RAB6A: variants seen among roughly 807,000 people sequenced by gnomAD.
The protein encoded by RAB6A is RAB6A, member RAS oncogene family.
In RAB6A, 8 loss-of-function variants were observed where a neutral mutation model predicts 32.3. That is an observed-to-expected ratio of 0.25 (90% CI 0.15 to 0.45). The LOEUF (loss-of-function observed/expected upper bound fraction) is 0.45. Ranked by LOEUF, RAB6A falls within the 20% of genes least tolerant of loss-of-function variation. The pLI is 1.00. For synonymous variants in RAB6A, 73 were observed against 82.1 expected, an observed-to-expected ratio of 0.89 and a Z score of 0.60; for missense variants, 104 against 249.4, an observed-to-expected ratio of 0.42 and a Z score of 3.93.
In RAB6A at chr11:73,676,361, C is replaced by T. The variant is rs1247771666; in HGVS notation, c.*1537G>A. The T allele has an allele frequency of 6.0e-5, 10 of 166,918 alleles. No homozygotes were observed. In the Admixed American group the frequency reaches 6.6e-4, roughly 11 times the overall value. 10.3% of individuals were successfully genotyped at this position (166,918 alleles called of 1,614,324 possible). A position where few individuals can be genotyped will look rare whatever the true frequency, so the allele number is the denominator to read the frequency against. On this transcript the variant is annotated 3_prime_UTR_variant, in exon 8 of 8. Coordinates refer to ENST00000336083, the MANE Select transcript of RAB6A (RefSeq NM_198896.2). ...AGCTTACACAGCAATCTCACAATAA[C>T]TAGTAAAGATTAAAAGGGCACACTC...
chr11:73,677,453 C>T lies in RAB6A; in HGVS notation c.*445G>A, dbSNP rs1945286788. ...CATCTCTTGTTTGTTTTGAGGAAGT[C>T]GGGGGAGGCTAGGTAAGAATAGGGT... On this transcript the variant is annotated 3_prime_UTR_variant, in exon 8 of 8. Transcript: ENST00000336083. The T allele has an allele frequency of 8.9e-6, 2 of 224,540 alleles. No homozygotes were observed. The highest frequency in any genetic ancestry group is 4.6e-5 in the African/African-American group (2 of 43,138). 13.9% of individuals were successfully genotyped at this position (224,540 alleles called of 1,614,324 possible).
intron 2 of RAB6A, among the ~76,000 whole-genome samples, chr11:73,726,678 G>A (rs961369856): frequency 1.4e-5 from 2 of 147,032 alleles, no homozygotes; most frequent in South Asian, 2.2e-4. Context: ...GAGCCTGGGG[G>A]GATGGAGGCT....
At chr11:73,703,649 T>C (rs892208778) in intron 6 of RAB6A, among the ~76,000 whole-genome samples, 17 of 151,860 alleles carry the variant, frequency 1.1e-4, no homozygotes, top group African/African-American at 3.9e-4. Flanking sequence ...GGCTGAGGCA[T>C]GAGAATCACT....
At chr11:73,710,580 T>C (rs1945940563) in intron 5 of RAB6A, among the ~76,000 whole-genome samples, 1 of 151,466 alleles carries the variant, frequency 6.6e-6, no homozygotes. Context: ...CTACTAAAAA[T>C]ATGAAAATTA....
intron 5 of RAB6A, among the ~76,000 whole-genome samples, chr11:73,712,642 C>A (rs117582271): frequency 4.6e-5 from 7 of 151,860 alleles, no homozygotes; most frequent in Admixed American, 4.6e-4. Context: ...TGAGCCACCA[C>A]GCTCGCCTGT....
chr11:73,696,188 A>G (rs1224665426), intron 6 of RAB6A, among the ~76,000 whole-genome samples: 1 of 151,916 alleles, frequency 6.6e-6, no homozygotes, highest in African/African-American at 2.4e-5. Context: ...TTATTTGTGG[A>G]CTTTTGACTT....
chr11:73,757,863 G>GC (rs1331889321), intron 1 of RAB6A, among the ~76,000 whole-genome samples: 1 of 152,146 alleles, frequency 6.6e-6, no homozygotes, highest in Non-Finnish European at 1.5e-5. Context: ...CAACATGTCT[G>GC]AACAGCTACT....
At chr11:73,679,788 C>A in intron 6 of RAB6A, 68 bp from the exon 7 acceptor site, 1 of 1,591,098 alleles carries the variant, frequency 6.3e-7, no homozygotes, top group South Asian at 1.1e-5. Flanking sequence ...GGTTTATGAT[C>A]ACTGTACAGT....
At chr11:73,709,698 T>C (rs926545641) in intron 5 of RAB6A, among the ~76,000 whole-genome samples, 2 of 149,738 alleles carry the variant, frequency 1.3e-5, no homozygotes, top group African/African-American at 4.9e-5. Context: ...CCTGGTTCCT[T>C]TGGAAAGAAA....
intron 4 of RAB6A, among the ~76,000 whole-genome samples, chr11:73,717,680 G>A (rs536709892): frequency 6.6e-6 from 1 of 152,284 alleles, no homozygotes; most frequent in South Asian, 2.1e-4. Context: ...CTGACCTCAG[G>A]TGATCCGCCT....
intron 1 of RAB6A, 125 bp downstream of exon 1, chr11:73,760,441 G>A: frequency 1.5e-6 from 2 of 1,290,926 alleles, no homozygotes; most frequent in African/African-American, 1.5e-5. Context: ...CATCGGGAAG[G>A]GCTGCGGTGG....
chr11:73,736,977 C>CAAAAAAAAAAAAAAAAAAAAA (rs535172648), intron 1 of RAB6A, among the ~76,000 whole-genome samples: 1 of 64,934 alleles, frequency 1.5e-5, no homozygotes. Context: ...GACACTGTCT[C>CAAAAAAAAAAAAAAAAAAAAA]AAAAAAAAAA....
At chr11:73,747,274 C>T (rs1252248873) in intron 1 of RAB6A, among the ~76,000 whole-genome samples, 2 of 151,204 alleles carry the variant, frequency 1.3e-5, no homozygotes, top group African/African-American at 2.4e-5. Flanking sequence ...GGTGCGATCT[C>T]GGCTCACTGC....
chr11:73,738,126 T>C (rs1265792180), intron 1 of RAB6A, among the ~76,000 whole-genome samples: 1 of 151,984 alleles, frequency 6.6e-6, no homozygotes, highest in Non-Finnish European at 1.5e-5. Flanking sequence ...TTTATGCAGG[T>C]GATGGTTGTA....
rs913268689 is a variant in RAB6A at position 73,720,766 on chromosome 11, G to A, written c.183+80C>T. 2.4e-5 allele frequency: 27 copies of A among 1,112,752 alleles called. No homozygotes were observed. In the African/African-American group the frequency reaches 4.2e-4, roughly 17 times the overall value. 68.9% of individuals were successfully genotyped at this position (1,112,752 alleles called of 1,614,324 possible). Reference sequence around the variant, plus strand: ...GTAACTTTGCTAAGTACTTCTTATGGTGACAATCATTGATAACTTTGATTG... The same window carrying A: ...GTAACTTTGCTAAGTACTTCTTATGATGACAATCATTGATAACTTTGATTG... On this transcript the variant is annotated intron_variant, in intron 3 of 7. Transcript: ENST00000336083.
intron 1 of RAB6A, among the ~76,000 whole-genome samples, chr11:73,743,887 A>T (rs1946538764): frequency 6.6e-6 from 1 of 152,128 alleles, no homozygotes. Flanking sequence ...ATCTTTCTAA[A>T]TTACTTTCAG....
At chr11:73,716,458 G>C in intron 4 of RAB6A, 96 bp from the exon 5 acceptor site, 1 of 784,834 alleles carries the variant, frequency 1.3e-6, no homozygotes, top group African/African-American at 1.7e-5. Context: ...GAAGTTGGAA[G>C]GGGGCTGGCA....
chr11:73,716,134 G>A (rs895090034), intron 5 of RAB6A, 117 bp downstream of exon 5: 8 of 672,804 alleles, frequency 1.2e-5, no homozygotes, highest in African/African-American at 1.1e-4. Flanking sequence ...AAAAGCAGGG[G>A]AGGACGTAAA....
At chr11:73,752,674 C>T (rs548308464) in intron 1 of RAB6A, among the ~76,000 whole-genome samples, 101 of 152,006 alleles carry the variant, frequency 6.6e-4, no homozygotes, top group Non-Finnish European at 1.4e-3. Context: ...AAAAAATAGC[C>T]GGCCTTGGTG....
Sources: gnomAD v4.1 joint callset for allele counts (sites outside exome capture counted in the v4.1 genomes callset) on GRCh38, gnomAD v4.1.1 for gene constraint, MANE v1.5 for transcripts, NCBI Gene and HGNC (gene_info 2026-07-23, HGNC 2026-07-21) for gene names.